The following R3HDM1 variants were observed in gnomAD, a reference collection of about 807,000 sequenced individuals.
R3HDM1 encodes R3H domain containing 1.
R3HDM1 carries 46 observed loss-of-function variants against 141.1 expected under a neutral mutation model. The ratio of observed to expected loss-of-function variants is 0.33; its 90% CI spans 0.26 to 0.42. The LOEUF is 0.42. Among genes scored for constraint, R3HDM1 ranks in the 10% least tolerant of loss-of-function variants. The pLI is 1.00. For synonymous variants in R3HDM1, 435 were observed against 472.9 expected (o/e 0.92, Z 1.04); for missense variants, 1,184 against 1,368.3 (o/e 0.87, Z 2.12).
intron 21 of R3HDM1, among the ~76,000 whole-genome samples, chr2:135,698,771 G>C (rs2073676509): frequency 6.6e-6 from 1 of 152,060 alleles, no homozygotes; most frequent in African/African-American, 2.4e-5. Flanking sequence ...TGGAGCCCGA[G>C]GAAGAGAAGA....
intron 20 of R3HDM1, among the ~76,000 whole-genome samples, chr2:135,679,518 C>G (rs530722167): frequency 7.2e-5 from 11 of 152,184 alleles, no homozygotes; most frequent in Non-Finnish European, 1.5e-4. Context: ...TGACCCACTG[C>G]GTCTCACTGC....
At chr2:135,671,747 G>A (rs946766162) in intron 19 of R3HDM1, among the ~76,000 whole-genome samples, 5 of 151,858 alleles carry the variant, frequency 3.3e-5, no homozygotes, top group South Asian at 4.2e-4. Flanking sequence ...AGGCCGAGGC[G>A]GGCAGATCAC....
intron 1 of R3HDM1, among the ~76,000 whole-genome samples, chr2:135,538,091 A>G (rs930953199): frequency 6.6e-6 from 1 of 152,228 alleles, no homozygotes. Context: ...ACACAAAACT[A>G]CATGGTATAT....
intron 21 of R3HDM1, 25 bp from the exon 22 acceptor site, chr2:135,709,408 T>G (rs754015890): frequency 6.2e-7 from 1 of 1,613,400 alleles, no homozygotes; most frequent in Non-Finnish European, 8.5e-7. Context: ...CCTCTCATTA[T>G]GCTGTTTTTT....
intron 1 of R3HDM1, among the ~76,000 whole-genome samples, chr2:135,548,518 T>C (rs1421390753): frequency 1.3e-5 from 2 of 152,184 alleles, no homozygotes; most frequent in African/African-American, 4.8e-5. Flanking sequence ...CATACATCCA[T>C]TGAGATATAG....
intron 19 of R3HDM1, among the ~76,000 whole-genome samples, chr2:135,663,528 A>G (rs2067038247): frequency 6.6e-6 from 1 of 152,236 alleles, no homozygotes; most frequent in African/African-American, 2.4e-5. Context: ...AAGCATTCTT[A>G]TCTAAAAGAG....
intron 1 of R3HDM1, among the ~76,000 whole-genome samples, chr2:135,601,254 A>G (rs908084582): frequency 2.0e-5 from 3 of 152,226 alleles, no homozygotes; most frequent in Non-Finnish European, 2.9e-5. Flanking sequence ...CACGGTATCA[A>G]TTAAAAGTTT....
At chr2:135,588,693 A>C (rs1172710831) in intron 1 of R3HDM1, among the ~76,000 whole-genome samples, 2 of 152,140 alleles carry the variant, frequency 1.3e-5, no homozygotes, top group Non-Finnish European at 2.9e-5. Flanking sequence ...CTACTATTAA[A>C]GGGAATTATT....
intron 5 of R3HDM1, among the ~76,000 whole-genome samples, chr2:135,619,925 T>C (rs1055444769): frequency 1.3e-5 from 2 of 152,172 alleles, no homozygotes; most frequent in African/African-American, 4.8e-5. Context: ...GAGAGGTAGC[T>C]ATTATTCCAG....
At chr2:135,602,793 C>G (rs989436696) in intron 2 of R3HDM1, 85 bp downstream of exon 2, 1 of 1,122,878 alleles carries the variant, frequency 8.9e-7, no homozygotes, top group African/African-American at 1.6e-5. Context: ...TCTTAAGTAA[C>G]TTCACCACCC....
intron 1 of R3HDM1, among the ~76,000 whole-genome samples, chr2:135,551,421 A>C (rs1699826412): frequency 6.6e-6 from 1 of 152,242 alleles, no homozygotes; most frequent in African/African-American, 2.4e-5. Context: ...CCATGTACCT[A>C]GTAGAATGAA....
intron 4 of R3HDM1, 60 bp from the exon 5 acceptor site, chr2:135,616,608 G>A (rs2061043303): frequency 7.5e-7 from 1 of 1,333,032 alleles, no homozygotes; most frequent in South Asian, 1.3e-5. Flanking sequence ...TTTCTAGGGG[G>A]CTTTTGGATA....
chr2:135,596,915 G>T (rs1011310361), intron 1 of R3HDM1: 2 of 677,444 alleles, frequency 3.0e-6, no homozygotes, highest in African/African-American at 3.9e-5. Context: ...ATCTACACCA[G>T]AAGTGGAAAT....
chr2:135,531,769 C>G, intron 1 of R3HDM1, 136 bp downstream of exon 1: 6 of 985,738 alleles, frequency 6.1e-6, no homozygotes, highest in Non-Finnish European at 7.2e-6. Flanking sequence ...GAAAGGTGGC[C>G]TTCCCCGCCG....
intron 19 of R3HDM1, among the ~76,000 whole-genome samples, chr2:135,662,307 C>T (rs990031445): frequency 6.6e-6 from 1 of 152,212 alleles, no homozygotes; most frequent in African/African-American, 2.4e-5. Context: ...GTGTGAAACT[C>T]GTCAGGGTTA....
intron 1 of R3HDM1, among the ~76,000 whole-genome samples, chr2:135,590,056 T>C (rs1708893520): frequency 1.3e-5 from 2 of 151,892 alleles, no homozygotes; most frequent in Admixed American, 6.6e-5. Flanking sequence ...GATCCTTGGG[T>C]TTAATAAGAT....
chr2:135,563,442 G>T (rs115438144), intron 1 of R3HDM1, among the ~76,000 whole-genome samples: 54 of 152,262 alleles, frequency 3.5e-4, no homozygotes, highest in Non-Finnish European at 6.8e-4. Flanking sequence ...CTGCATCAGC[G>T]TTTTTGGTTA....
At chr2:135,625,680 C>T (rs1460894122) in intron 7 of R3HDM1, among the ~76,000 whole-genome samples, 1 of 152,100 alleles carries the variant, frequency 6.6e-6, no homozygotes, top group African/African-American at 2.4e-5. Flanking sequence ...GTTGGGACTT[C>T]AGCCCCTGCT....
intron 21 of R3HDM1, among the ~76,000 whole-genome samples, chr2:135,703,601 A>G (rs1388057226): frequency 1.6e-4 from 25 of 152,018 alleles, no homozygotes; most frequent in Non-Finnish European, 1.5e-5. Flanking sequence ...TTTTTTTAAT[A>G]CTTCATTTTT....
Sources: allele counts gnomAD v4.1 joint callset (sites outside exome capture counted in the v4.1 genomes callset), GRCh38; gene constraint gnomAD v4.1.1; transcripts MANE v1.5; gene names NCBI Gene and HGNC (gene_info 2026-07-23, HGNC 2026-07-21).